CHSY3: variants seen among roughly 807,000 people sequenced by gnomAD.
The protein encoded by CHSY3 is chondroitin sulfate synthase 3.
CHSY3 carries 35 observed loss-of-function variants against 67.2 expected under a neutral mutation model. That is an observed-to-expected ratio of 0.52 (90% CI 0.40 to 0.69). The LOEUF (loss-of-function observed/expected upper bound fraction) is 0.69. Ranked by LOEUF, CHSY3 falls within the 30% of genes least tolerant of loss-of-function variation. CHSY3 has a pLI of 0.00. For synonymous variants in CHSY3, 474 were observed against 434.7 expected, an observed-to-expected ratio of 1.09 and a Z score of -1.12; for missense variants, 1,069 against 1,138.5, an observed-to-expected ratio of 0.94 and a Z score of 0.88.
intron 2 of CHSY3, among the ~76,000 whole-genome samples, chr5:129,940,946 C>T (rs569501894): frequency 4.6e-5 from 7 of 152,064 alleles, no homozygotes; most frequent in Non-Finnish European, 8.8e-5. Context: ...TCAGTAGGCA[C>T]GGTGGCTCAT....
intron 2 of CHSY3, among the ~76,000 whole-genome samples, chr5:130,148,008 C>A (rs879841424): frequency 1.3e-5 from 2 of 152,066 alleles, no homozygotes; most frequent in Non-Finnish European, 2.9e-5. Flanking sequence ...CTCCTCCCAC[C>A]CTCCATACTC....
At chr5:130,156,099 C>T (rs1352060109) in intron 2 of CHSY3, among the ~76,000 whole-genome samples, 1 of 152,204 alleles carries the variant, frequency 6.6e-6, no homozygotes, top group Non-Finnish European at 1.5e-5. Context: ...ATAGTATACA[C>T]TACCTGGAGT....
At chr5:129,982,284 A>AAC (rs200300242) in intron 2 of CHSY3, among the ~76,000 whole-genome samples, 23 of 151,828 alleles carry the variant, frequency 1.5e-4, no homozygotes, top group South Asian at 4.2e-4. Context: ...TGTAAAAAAA[A>AAC]ACACACACAC....
chr5:129,999,933 T>G lies in CHSY3; in HGVS notation c.1086+91573T>G, dbSNP rs377484308. ...CATACTAGAAACCCCCTATTCTTCC[T>G]TTCTGATTCCATCCCATTTATCTTC... On this transcript the variant is annotated intron_variant, in intron 2 of 2. Coordinates refer to ENST00000305031, the MANE Select transcript of CHSY3 (RefSeq NM_175856.5). Among the ~76,000 whole-genome samples, 10 of 152,278 alleles carry G rather than the reference T, an allele frequency of 6.6e-5. No homozygotes were observed. The South Asian group carries it at 1.2e-3, about 19-fold the overall frequency.
chr5:130,157,522 G>A (rs930518815), intron 2 of CHSY3, among the ~76,000 whole-genome samples: 6 of 152,138 alleles, frequency 3.9e-5, no homozygotes, highest in African/African-American at 7.2e-5. Flanking sequence ...AATACCAGTC[G>A]CTAAGATTTA....
chr5:130,135,794 G>C (rs10463864), intron 2 of CHSY3, among the ~76,000 whole-genome samples: 8,162 of 152,188 alleles, frequency 0.054, 619 homozygotes, highest in African/African-American at 0.15. Flanking sequence ...AAAGGCAAAA[G>C]AGGTAGAAGA....
intron 2 of CHSY3, among the ~76,000 whole-genome samples, chr5:130,049,479 T>C (rs1765262393): frequency 6.6e-6 from 1 of 152,128 alleles, no homozygotes; most frequent in Non-Finnish European, 1.5e-5. Context: ...CAATGTTCTG[T>C]TACTTATTGC....
At chr5:130,095,301 C>T (rs1162988696) in intron 2 of CHSY3, among the ~76,000 whole-genome samples, 2 of 152,062 alleles carry the variant, frequency 1.3e-5, no homozygotes, top group Non-Finnish European at 2.9e-5. Context: ...AAAAAATACT[C>T]GGGGTCCTTG....
At chr5:130,037,459 A>C (rs768897671) in intron 2 of CHSY3, among the ~76,000 whole-genome samples, 1 of 152,162 alleles carries the variant, frequency 6.6e-6, no homozygotes, top group Non-Finnish European at 1.5e-5. Flanking sequence ...AACATAAACC[A>C]GCAAAATTCT....
intron 2 of CHSY3, among the ~76,000 whole-genome samples, chr5:130,092,926 T>C (rs918715172): frequency 9.9e-5 from 15 of 152,114 alleles, no homozygotes; most frequent in Admixed American, 7.9e-4. Context: ...ACAGCCAAGG[T>C]GTCTGGCATC....
intron 2 of CHSY3, among the ~76,000 whole-genome samples, chr5:129,950,250 A>T (rs1761987285): frequency 6.6e-6 from 1 of 152,162 alleles, no homozygotes; most frequent in Non-Finnish European, 1.5e-5. Context: ...CAAAAATTTT[A>T]AACATATTAG....
intron 2 of CHSY3, among the ~76,000 whole-genome samples, chr5:130,156,763 C>G (rs952744489): frequency 1.1e-4 from 16 of 152,218 alleles, no homozygotes; most frequent in Admixed American, 5.2e-4. Context: ...CAAGCTACAT[C>G]TTACAGACAG....
At chr5:129,932,651 A>T (rs1010789230) in intron 2 of CHSY3, among the ~76,000 whole-genome samples, 2 of 152,130 alleles carry the variant, frequency 1.3e-5, no homozygotes, top group Non-Finnish European at 2.9e-5. Flanking sequence ...GTATTAGTTT[A>T]TGTATATTAA....
intron 2 of CHSY3, among the ~76,000 whole-genome samples, chr5:129,989,398 A>G (rs1463817758): frequency 1.3e-5 from 2 of 151,358 alleles, no homozygotes; most frequent in Non-Finnish European, 2.9e-5. Flanking sequence ...AGTACCTGGG[A>G]TTACAGGCAT....
At chr5:129,997,132 A>C (rs1016643584) in intron 2 of CHSY3, among the ~76,000 whole-genome samples, 1 of 151,938 alleles carries the variant, frequency 6.6e-6, no homozygotes, top group Non-Finnish European at 1.5e-5. Flanking sequence ...AAAAAAAAAA[A>C]AAAACTCTAG....
rs146422482 is a variant in CHSY3, at chr5:130,100,119, G to T, written c.1087-84110G>T. Among the ~76,000 whole-genome samples, 38 of 152,284 alleles carry T rather than the reference G, an allele frequency of 2.5e-4. No homozygotes were observed. The East Asian group carries it at 6.6e-3, about 26-fold the overall frequency. ...ATATTTTTATGAGCACAGAGATAAGGTATGGGAATATTCATAGAAGGGCAG... is the reference window on the plus strand; with the variant it reads ...ATATTTTTATGAGCACAGAGATAAGTTATGGGAATATTCATAGAAGGGCAG... On this transcript the variant is annotated intron_variant, in intron 2 of 2. Transcript: ENST00000305031.
intron 2 of CHSY3, among the ~76,000 whole-genome samples, chr5:130,074,580 T>G (rs1450738465): frequency 2.0e-5 from 3 of 152,216 alleles, no homozygotes; most frequent in African/African-American, 7.2e-5. Context: ...CAATGTCTAC[T>G]TATGAAAGAT....
chr5:130,042,470 A>T (rs1241175856), intron 2 of CHSY3, among the ~76,000 whole-genome samples: 1 of 152,122 alleles, frequency 6.6e-6, no homozygotes, highest in African/African-American at 2.4e-5. Flanking sequence ...CCATTACAAT[A>T]TCAATTCCTT....
chr5:130,151,694 C>T (rs574504316), intron 2 of CHSY3, among the ~76,000 whole-genome samples: 14 of 152,230 alleles, frequency 9.2e-5, no homozygotes, highest in East Asian at 5.8e-4. Flanking sequence ...GTCAAGCAAA[C>T]GGAGAAAGCC....
Sources: allele counts gnomAD v4.1 joint callset (sites outside exome capture counted in the v4.1 genomes callset), GRCh38; gene constraint gnomAD v4.1.1; transcripts MANE v1.5; gene names NCBI Gene and HGNC (gene_info 2026-07-23, HGNC 2026-07-21).